The following NFIA variants were observed in gnomAD, a reference collection of about 807,000 sequenced individuals.
NFIA encodes the protein nuclear factor 1 A-type.
In NFIA, 8 loss-of-function variants were observed where a neutral mutation model predicts 62.8. That is an observed-to-expected ratio of 0.13 (90% CI 0.07 to 0.23). The LOEUF is 0.23. NFIA is among the 10% of genes least tolerant of loss of function. NFIA has a pLI of 1.00. For synonymous variants in NFIA, 235 were observed against 238.1 expected (o/e 0.99, Z 0.12); for missense variants, 410 against 642.1 (o/e 0.64, Z 3.91).
chr1:61,300,083 G>A (rs1659413548), intron 3 of NFIA, among the ~76,000 whole-genome samples: 2 of 151,982 alleles, frequency 1.3e-5, no homozygotes, highest in African/African-American at 4.8e-5. Context: ...ATCAACTGAG[G>A]ATGACATTAA....
chr1:61,332,425 A>T (rs1031192956), intron 3 of NFIA, 87 bp from the exon 4 acceptor site: 16 of 1,249,240 alleles, frequency 1.3e-5, no homozygotes, highest in Admixed American at 3.4e-5. Flanking sequence ...CACATGTGTT[A>T]ATCATAATGA....
In NFIA at chr1:61,406,647, G is replaced by A; in HGVS notation, c.1340G>A (p.Arg447Lys). The A allele has an allele frequency of 6.4e-7, 1 of 1,568,326 alleles. No individual in the cohort carries two copies. The highest frequency in any genetic ancestry group is 8.7e-7 in the Non-Finnish European group (1 of 1,153,074). Residue 447 changes from arginine (R) to lysine (K), a missense_variant, in exon 9 of 11, where the codon AGG becomes AAG. Physicochemically the swap from Arg to Lys is conservative, Grantham distance 26. Around this residue, in one of 3 missense-constraint regions of NFIA, gnomAD observed 298 missense variants for 438.1 expected, o/e 0.68. Transcript: ENST00000403491. ...LPPPPPPPMARPVPLPVPDTK... is the reference protein window; with the variant it reads ...LPPPPPPPMAKPVPLPVPDTK... The stretch of plus-strand genomic sequence containing the variant: ...CCGCCACCGCCACCACCGATGGCCA[G>A]GCCTGTGCCTCTGCCGGTGCCAGAC...
intron 2 of NFIA, among the ~76,000 whole-genome samples, chr1:61,163,162 T>C (rs1649331225): frequency 6.6e-6 from 1 of 152,184 alleles, no homozygotes; most frequent in Non-Finnish European, 1.5e-5. Context: ...GCATTAAAGA[T>C]CAAATACTTG....
intron 2 of NFIA, among the ~76,000 whole-genome samples, chr1:61,241,307 G>C (rs971987676): frequency 1.3e-5 from 2 of 152,048 alleles, no homozygotes; most frequent in African/African-American, 4.8e-5. Context: ...TTAAGAGCTT[G>C]TCTGTTAAAG....
In NFIA at chr1:61,352,461, G is replaced by A; in HGVS notation, c.712G>A (p.Ala238Thr). 1.2e-6 allele frequency: 2 copies of A among 1,612,958 alleles called. No individual in the cohort carries two copies. Among genetic ancestry groups the A allele is most frequent in the Non-Finnish European group, 1.7e-6 (2 of 1,179,138 alleles). ...TTTCTTAATTCTAGCACCAATAGCT[G>A]CAGGAACTGGCCCAAATTTTTCTCT... is the stretch of plus-strand genomic sequence containing the variant. The part of the protein sequence containing the change: ...LVRVSQTPIA[A>T]GTGPNFSLSD... The change falls in exon 5 of 11, where the codon GCA (alanine) becomes ACA (threonine). Residue 238 changes from alanine (A) to threonine (T), a missense_variant. By Grantham distance (58) the Ala-to-Thr change is moderately conservative. Coordinates refer to ENST00000403491, the MANE Select transcript of NFIA (RefSeq NM_001134673.4).
At chr1:61,302,036 A>T (rs1351206691) in intron 3 of NFIA, among the ~76,000 whole-genome samples, 1 of 152,194 alleles carries the variant, frequency 6.6e-6, no homozygotes, top group Admixed American at 6.5e-5. Flanking sequence ...GTTGCTTAGG[A>T]CCAAAAGGGT....
At chr1:61,391,317 C>T (rs1664965211) in intron 7 of NFIA, among the ~76,000 whole-genome samples, 1 of 152,102 alleles carries the variant, frequency 6.6e-6, no homozygotes, top group Admixed American at 6.6e-5. Context: ...CTGCTTCAAC[C>T]TTCCAAAGTG....
chr1:61,137,849 G>A (rs1448414996), intron 2 of NFIA, among the ~76,000 whole-genome samples: 1 of 152,042 alleles, frequency 6.6e-6, no homozygotes, highest in Non-Finnish European at 1.5e-5. Flanking sequence ...ATCTTTTCCA[G>A]TTGTGATAGA....
At chr1:61,128,073 T>C (rs1647006396) in intron 2 of NFIA, among the ~76,000 whole-genome samples, 1 of 152,182 alleles carries the variant, frequency 6.6e-6, no homozygotes, top group African/African-American at 2.4e-5. Context: ...GGCCTAAAAA[T>C]GCGCTTGTAC....
At chr1:61,272,242 T>C (rs1657553501) in intron 2 of NFIA, among the ~76,000 whole-genome samples, 2 of 152,212 alleles carry the variant, frequency 1.3e-5, no homozygotes, top group Non-Finnish European at 2.9e-5. Flanking sequence ...TGTATATACA[T>C]GTGTACACCT....
chr1:61,373,617 T>C (rs975945767), intron 6 of NFIA, among the ~76,000 whole-genome samples: 1 of 152,122 alleles, frequency 6.6e-6, no homozygotes, highest in African/African-American at 2.4e-5. Context: ...TATATTTAAG[T>C]AAATACTAAA....
At chr1:61,184,180 C>A (rs1486864463) in intron 2 of NFIA, among the ~76,000 whole-genome samples, 2 of 148,870 alleles carry the variant, frequency 1.3e-5, no homozygotes, top group Non-Finnish European at 3.0e-5. Flanking sequence ...CAAAAAACTT[C>A]AGAGGGGAAA....
At chr1:61,437,524 C>T (rs1667384160) in intron 10 of NFIA, among the ~76,000 whole-genome samples, 2 of 152,114 alleles carry the variant, frequency 1.3e-5, no homozygotes, top group African/African-American at 4.8e-5. Context: ...ATTTATTGAG[C>T]ACCTACTATG....
intron 3 of NFIA, among the ~76,000 whole-genome samples, chr1:61,329,381 A>ATTTTTTTTTTTTTT (rs58955783): frequency 8.3e-6 from 1 of 119,874 alleles, no homozygotes; most frequent in African/African-American, 3.2e-5. Context: ...TTTTAAAGTA[A>ATTTTTTTTTTTTTT]TTTTTTTTTT....
chr1:61,123,460 C>G (rs545121904), intron 2 of NFIA, among the ~76,000 whole-genome samples: 3 of 152,182 alleles, frequency 2.0e-5, no homozygotes, highest in Non-Finnish European at 4.4e-5. Context: ...CAAGTTTGCT[C>G]ATTTTGGCAT....
intron 1 of NFIA, among the ~76,000 whole-genome samples, chr1:61,085,698 C>CT (rs1646207045): frequency 6.6e-6 from 1 of 152,014 alleles, no homozygotes; most frequent in Non-Finnish European, 1.5e-5. Context: ...AAAATCAATA[C>CT]TTTAATTGTG....
At chr1:61,138,601 G>A (rs1296787422) in intron 2 of NFIA, among the ~76,000 whole-genome samples, 1 of 151,036 alleles carries the variant, frequency 6.6e-6, no homozygotes, top group Non-Finnish European at 1.5e-5. Flanking sequence ...TTATTATTGA[G>A]ACAAGATCTT....
intron 2 of NFIA, among the ~76,000 whole-genome samples, chr1:61,208,298 T>G (rs1271624028): frequency 6.6e-6 from 1 of 152,186 alleles, no homozygotes; most frequent in Non-Finnish European, 1.5e-5. Context: ...TCTGCCATAT[T>G]CCTTCTGAGA....
intron 9 of NFIA, among the ~76,000 whole-genome samples, chr1:61,408,759 C>T (rs1665967525): frequency 6.6e-6 from 1 of 152,194 alleles, no homozygotes; most frequent in African/African-American, 2.4e-5. Flanking sequence ...TTTCAAATTA[C>T]TAACTGTGTT....
Sources: gnomAD v4.1 joint callset for allele counts (sites outside exome capture counted in the v4.1 genomes callset) on GRCh38, gnomAD v4.1.1 for gene constraint, gnomAD v4.1.1 regional missense constraint, MANE v1.5 for transcripts, NCBI Gene and HGNC (gene_info 2026-07-23, HGNC 2026-07-21) for gene names.